The following CAMKK1 variants were observed in gnomAD, a reference collection of about 807,000 sequenced individuals.
CAMKK1 encodes the protein calcium/calmodulin dependent protein kinase kinase 1, also known as calcium/calmodulin-dependent protein kinase kinase 1.
A neutral mutation model predicts 63.5 loss-of-function variants in CAMKK1; 20 were observed. That is an observed-to-expected ratio of 0.32 (90% CI 0.22 to 0.46). The LOEUF is 0.46. Ranked by LOEUF, CAMKK1 falls within the 20% of genes least tolerant of loss-of-function variation. CAMKK1 has a pLI of 1.00. For missense variants in CAMKK1, 588 were observed against 658.1 expected (o/e 0.89, Z 1.17); for synonymous variants, 253 against 269.0 (o/e 0.94, Z 0.58).
In CAMKK1 at chr17:3,862,384, T is replaced by G; in HGVS notation, c.1446-101A>C. 3 of 1,010,904 alleles carry G rather than the reference T, an allele frequency of 3.0e-6. No individual in the cohort carries two copies. The highest frequency in any genetic ancestry group is 4.5e-6 in the Non-Finnish European group (3 of 664,194). 62.6% of individuals were successfully genotyped at this position (1,010,904 alleles called of 1,614,324 possible). ...CACAGGAATCTGAATCCCACATCTCTCAAAGCCCCCTTCACCCACTGCCCC... is the reference window on the plus strand; with the variant it reads ...CACAGGAATCTGAATCCCACATCTCGCAAAGCCCCCTTCACCCACTGCCCC... On this transcript the variant is annotated intron_variant, in intron 15 of 15. Coordinates refer to ENST00000348335, the MANE Select transcript of CAMKK1 (RefSeq NM_032294.3). The surrounding 1 kb of genome is among the most constrained non-coding windows in gnomAD (Gnocchi z 4.1).
chr17:3,880,185 G>T, intron 9 of CAMKK1, 161 bp downstream of exon 9: 39 of 545,976 alleles, frequency 7.1e-5, no homozygotes, highest in Middle Eastern at 5.1e-4. Context: ...CCCACAAAAA[G>T]GCCTTTGGCC....
rs1238589980 is a variant in CAMKK1 at position 3,889,783 on chromosome 17, G to C, written c.-44+3156C>G. Among the ~76,000 whole-genome samples, 1 of 152,060 alleles carries C rather than the reference G, an allele frequency of 6.6e-6. No individual in the cohort carries two copies. Among genetic ancestry groups the C allele is most frequent in the African/African-American group, 2.4e-5 (1 of 41,412 alleles). ...AAGCGTCTGGCCACTCCCAAGGAAT[G>C]TGGGCCCCCGGCTCCAGACGCCCAC... On this transcript the variant is annotated intron_variant, in intron 1 of 15. Transcript: ENST00000348335. This position sits in a 1 kb window ranked among gnomAD's most constrained non-coding sequence, Gnocchi z 5.2.
chr17:3,873,622 G>A (rs1020007376), intron 10 of CAMKK1, among the ~76,000 whole-genome samples, 160 bp from the exon 11 acceptor site: 3 of 152,082 alleles, frequency 2.0e-5, no homozygotes, highest in Admixed American at 2.0e-4. Context: ...TGGGCCCCGT[G>A]CTGAGTGCTG....
intron 14 of CAMKK1, among the ~76,000 whole-genome samples, chr17:3,869,022 G>A (rs1262663662): frequency 1.3e-5 from 2 of 148,332 alleles, no homozygotes; most frequent in African/African-American, 5.0e-5. Flanking sequence ...AGGCTGGAGT[G>A]CAGTGGCGCG....
At position 3,881,612 on chromosome 17, in the gene CAMKK1, G is replaced by A. The variant is rs1003626979; in HGVS notation, c.707+15C>T. On this transcript the variant is annotated intron_variant, in intron 8 of 15. Coordinates refer to ENST00000348335, the MANE Select transcript of CAMKK1 (RefSeq NM_032294.3). ...GGATGAGAATTGACCTGCCTGATCA[G>A]GACGGGGAACTCACCCCTTTCTCAG... 1.8e-5 allele frequency: 28 copies of A among 1,568,320 alleles called. No individual in the cohort carries two copies. Among genetic ancestry groups the A allele is most frequent in the Non-Finnish European group, 2.3e-5 (26 of 1,154,676 alleles).
chr17:3,874,147 C>T (rs2055035483), intron 10 of CAMKK1, among the ~76,000 whole-genome samples: 1 of 152,190 alleles, frequency 6.6e-6, no homozygotes, highest in Non-Finnish European at 1.5e-5. Context: ...CAGACAAATG[C>T]AAACTGACAA....
intron 11 of CAMKK1, 148 bp downstream of exon 11, chr17:3,873,261 T>A (rs34231122): frequency 2.8e-6 from 2 of 726,780 alleles, no homozygotes; most frequent in East Asian, 2.5e-5. Flanking sequence ...CAGAGAAAGA[T>A]AGAAAAAGCC....
chr17:3,890,138 G>A lies in CAMKK1; in HGVS notation c.-44+2801C>T, dbSNP rs2055836255. Among the ~76,000 whole-genome samples, 1 of 152,228 alleles carries A rather than the reference G, an allele frequency of 6.6e-6. No individual in the cohort carries two copies. Among genetic ancestry groups the A allele is most frequent in the Admixed American group, 6.5e-5 (1 of 15,286 alleles). ...ATGCCTGGGCCGCCTCACTGGAGCTGTGTTTATGATCCTGGCGAGTATCTG... is the reference window on the plus strand; with the variant it reads ...ATGCCTGGGCCGCCTCACTGGAGCTATGTTTATGATCCTGGCGAGTATCTG... On this transcript the variant is annotated intron_variant, in intron 1 of 15. Transcript: ENST00000348335. The surrounding 1 kb of genome is among the most constrained non-coding windows in gnomAD (Gnocchi z 6.5).
rs748703441 is a variant in CAMKK1, at chr17:3,884,476, C to G, written c.361-49G>C. 1 of 1,573,840 alleles carries G rather than the reference C, an allele frequency of 6.4e-7. No individual in the cohort carries two copies. The highest frequency in any genetic ancestry group is 1.3e-5 in the African/African-American group (1 of 74,154). On this transcript the variant is annotated intron_variant, in intron 2 of 15. Coordinates refer to ENST00000348335, the MANE Select transcript of CAMKK1 (RefSeq NM_032294.3). This position sits in a 1 kb window ranked among gnomAD's most constrained non-coding sequence, Gnocchi z 4.5. ...GGTGGAGCTGGGTCCGGAGGCAGCA[C>G]TGCTCCTACCTCAGAGCCCGTTCAG...
At chr17:3,886,861 T>C (rs62071689) in intron 1 of CAMKK1, among the ~76,000 whole-genome samples, 27,688 of 151,976 alleles carry the variant, frequency 0.18, 2,574 homozygotes, top group Non-Finnish European at 0.19. Context: ...GCGCTGGCCA[T>C]GCCCAACCTG....
chr17:3,863,574 T>C (rs1377866117), intron 15 of CAMKK1, among the ~76,000 whole-genome samples: 1 of 152,152 alleles, frequency 6.6e-6, no homozygotes, highest in East Asian at 1.9e-4. Flanking sequence ...AAAATCTTCT[T>C]TCAAAGTTAA....
In CAMKK1 at chr17:3,890,241, G is replaced by A. The variant is rs1275680325; in HGVS notation, c.-44+2698C>T. Among the ~76,000 whole-genome samples, 5 of 152,178 alleles carry A rather than the reference G, an allele frequency of 3.3e-5. No homozygotes were observed. Among genetic ancestry groups the A allele is most frequent in the Non-Finnish European group, 5.9e-5 (4 of 68,034 alleles). On this transcript the variant is annotated intron_variant, in intron 1 of 15. Transcript: ENST00000348335. This position sits in a 1 kb window ranked among gnomAD's most constrained non-coding sequence, Gnocchi z 6.5. ...CTCAGTCCCCTTGAGGGAGGCCCAG[G>A]CGTCTGGTGCCAAGTCATGCTTGAC...
intron 10 of CAMKK1, among the ~76,000 whole-genome samples, chr17:3,875,676 C>G (rs1004209113): frequency 1.3e-5 from 2 of 152,172 alleles, no homozygotes; most frequent in Non-Finnish European, 2.9e-5. Context: ...ATAGGTGAAA[C>G]AGCCATGTGC....
chr17:3,868,004 C>CGTGG (rs2054612983), intron 14 of CAMKK1, among the ~76,000 whole-genome samples: 2 of 139,532 alleles, frequency 1.4e-5, no homozygotes, highest in Non-Finnish European at 3.2e-5. Context: ...CTAACTGATA[C>CGTGG]GCGGGCTCTG....
chr17:3,880,199 C>T (rs1409248038), intron 9 of CAMKK1, 147 bp downstream of exon 9: 3 of 675,354 alleles, frequency 4.4e-6, no homozygotes, highest in Non-Finnish European at 2.5e-6. Context: ...TTTGGCCCCG[C>T]CACACGTGCA....
chr17:3,888,836 G>A (rs1040674614), intron 1 of CAMKK1, among the ~76,000 whole-genome samples: 11 of 152,158 alleles, frequency 7.2e-5, no homozygotes, highest in East Asian at 1.9e-4. Context: ...AGGGCCTGGC[G>A]CCCCGGCCGC....
chr17:3,885,793 G>A, intron 1 of CAMKK1, 63 bp from the exon 2 acceptor site: 1 of 1,517,788 alleles, frequency 6.6e-7, no homozygotes, highest in Admixed American at 1.8e-5. Context: ...AGGTAAGGTA[G>A]CCACAGCGCT....
intron 1 of CAMKK1, among the ~76,000 whole-genome samples, chr17:3,886,143 T>G (rs1308150026): frequency 1.3e-5 from 2 of 152,200 alleles, no homozygotes; most frequent in African/African-American, 4.8e-5. Flanking sequence ...AGCAGAGCAC[T>G]CCGACACTGC....
chr17:3,889,239 A>C lies in CAMKK1; in HGVS notation c.-43-3509T>G, dbSNP rs914023449. 1.3e-5 allele frequency among the ~76,000 whole-genome samples: 2 copies of C among 152,072 alleles called. No individual in the cohort carries two copies. Among genetic ancestry groups the C allele is most frequent in the Non-Finnish European group, 2.9e-5 (2 of 67,994 alleles). On this transcript the variant is annotated intron_variant, in intron 1 of 15. Coordinates refer to ENST00000348335, the MANE Select transcript of CAMKK1 (RefSeq NM_032294.3). This position sits in a 1 kb window ranked among gnomAD's most constrained non-coding sequence, Gnocchi z 5.2. ...AGGGGGTGTCTCAAGGCCCTTCCCA[A>C]GCTCAGGCCTTAGTAGATACTCTGT...
Sources: allele counts gnomAD v4.1 joint callset (sites outside exome capture counted in the v4.1 genomes callset), GRCh38; gene constraint gnomAD v4.1.1; non-coding constraint Gnocchi (gnomAD v3.1); transcripts MANE v1.5; gene names NCBI Gene and HGNC (gene_info 2026-07-23, HGNC 2026-07-21).